The following TG variants were observed in gnomAD, a reference collection of about 807,000 sequenced individuals.
TG encodes thyroglobulin.
TG carries 270 observed loss-of-function variants against 324.7 expected under a neutral mutation model. The observed-to-expected ratio is 0.83, with a 90% CI of 0.75 to 0.92. The LOEUF is 0.92. Ranked by LOEUF, TG falls within the 40% of genes least tolerant of loss-of-function variation. The probability of loss-of-function intolerance (pLI) is 0.00; values close to 1 mark genes in which losing one functional copy is unlikely to be tolerated. For synonymous variants in TG, 1,401 were observed against 1,327.0 expected (o/e 1.06, Z -1.21); for missense variants, 3,591 against 3,456.4 (o/e 1.04, Z -0.98).
intron 4 of TG, among the ~76,000 whole-genome samples, chr8:132,871,899 A>G (rs1333042875): frequency 3.9e-5 from 6 of 152,214 alleles, no homozygotes; most frequent in Admixed American, 2.6e-4. Context: ...GACCACATAC[A>G]TGATGATGGT....
chr8:133,073,086 A>C (rs1844317714), intron 41 of TG: 3 of 152,252 alleles, frequency 2.0e-5, no homozygotes, highest in Non-Finnish European at 2.9e-5. Flanking sequence ...TCAAACATAC[A>C]GAGAAACTGG....
chr8:133,102,872 C>T (rs1391453382), intron 43 of TG: 3 of 328,338 alleles, frequency 9.1e-6, no homozygotes, highest in African/African-American at 4.3e-5. Context: ...GAGTTGGCCT[C>T]GTCTGGGAGC....
intron 35 of TG, chr8:133,002,977 CA>C (rs1833683955): frequency 9.8e-7 from 1 of 1,018,848 alleles, no homozygotes; most frequent in Non-Finnish European, 1.2e-6. Context: ...ACCTTTCTTA[CA>C]GATTCACATG....
At chr8:133,057,803 G>T (rs1234372480) in intron 41 of TG, among the ~76,000 whole-genome samples, 2 of 151,950 alleles carry the variant, frequency 1.3e-5, no homozygotes, top group African/African-American at 4.8e-5. Flanking sequence ...AAACAGATGG[G>T]TAAAGCCATG....
intron 18 of TG, among the ~76,000 whole-genome samples, chr8:132,909,896 C>T (rs559687025): frequency 6.6e-6 from 1 of 152,328 alleles, no homozygotes; most frequent in Non-Finnish European, 1.5e-5. Flanking sequence ...GGCCATTTCT[C>T]AGTCTCTCAG....
intron 18 of TG, 145 bp downstream of exon 18, chr8:132,908,485 T>G: frequency 3.5e-6 from 1 of 282,876 alleles, no homozygotes; most frequent in Non-Finnish European, 6.4e-6. Flanking sequence ...GTGAATTCTC[T>G]TGGCAGCCTT....
rs185804028 is a variant in TG, at chr8:133,067,257, C to T, written c.7240-27787C>T. ...GACCCACATAGTCCCCTGCTCTCCT[C>T]TAGGGCAGGTGCAGCCGCAGGCCTG... is the stretch of plus-strand genomic sequence containing the variant. On this transcript the variant is annotated intron_variant, in intron 41 of 47. Coordinates refer to ENST00000220616, the MANE Select transcript of TG (RefSeq NM_003235.5). Among the ~76,000 whole-genome samples the T allele has an allele frequency of 2.5e-3, 384 of 152,246 alleles. 3 individuals carry two copies. Among genetic ancestry groups the T allele is most frequent in the African/African-American group, 8.8e-3 (364 of 41,540 alleles).
intron 41 of TG, among the ~76,000 whole-genome samples, chr8:133,060,621 AG>A (rs1217331014): frequency 1.3e-5 from 2 of 152,206 alleles, no homozygotes; most frequent in African/African-American, 4.8e-5. Context: ...GTACAACCAA[AG>A]GCATGAGGAG....
At chr8:133,014,578 T>C (rs1834851308) in intron 37 of TG, among the ~76,000 whole-genome samples, 1 of 152,264 alleles carries the variant, frequency 6.6e-6, no homozygotes, top group African/African-American at 2.4e-5. Flanking sequence ...GCTGCTATTG[T>C]AGCATGGGAG....
chr8:132,987,107 A>G (rs943071369), intron 35 of TG, among the ~76,000 whole-genome samples: 2 of 152,174 alleles, frequency 1.3e-5, no homozygotes, highest in Admixed American at 6.6e-5. Context: ...TCACATATAC[A>G]CACAGCCTAT....
chr8:133,060,978 C>A (rs1587939979), intron 41 of TG, among the ~76,000 whole-genome samples: 1 of 152,214 alleles, frequency 6.6e-6, no homozygotes, highest in Non-Finnish European at 1.5e-5. Context: ...TGTGTACTTA[C>A]AAGCTAGATG....
chr8:132,944,531 G>C (rs912366246), intron 26 of TG, among the ~76,000 whole-genome samples: 1 of 152,232 alleles, frequency 6.6e-6, no homozygotes, highest in Non-Finnish European at 1.5e-5. Flanking sequence ...GCTCACTGTA[G>C]GTGCAGAGGA....
chr8:133,082,063 A>G lies in TG; in HGVS notation c.7240-12981A>G, dbSNP rs2739168. The stretch of plus-strand genomic sequence containing the variant: ...GCAAAGGGCACAGAGATCCTTGTGA[A>G]CTCTGTTTAAGGACACAGACAAAAG... On this transcript the variant is annotated intron_variant, in intron 41 of 47. Transcript: ENST00000220616. Among the ~76,000 whole-genome samples, 1,230 of 152,216 alleles carry G rather than the reference A, an allele frequency of 8.1e-3. 18 individuals carry two copies. Among genetic ancestry groups the G allele is most frequent in the South Asian group, 0.044 (210 of 4,818 alleles).
rs549890504 is a variant in TG, at chr8:133,096,424, C to T, written c.7572+51C>T. ...TCTCCAGCTGGGCATTTCCTAAGGG[C>T]TCTGGACCTCAATGTCTGACTTGAT... On this transcript the variant is annotated intron_variant, in intron 43 of 47. Transcript: ENST00000220616. The T allele has an allele frequency of 1.1e-5, 17 of 1,603,210 alleles. No individual in the cohort carries two copies. The South Asian group carries it at 1.4e-4, about 14-fold the overall frequency.
intron 41 of TG, among the ~76,000 whole-genome samples, chr8:133,057,315 TA>T (rs1841622961): frequency 6.6e-6 from 1 of 152,156 alleles, no homozygotes; most frequent in Non-Finnish European, 1.5e-5. Context: ...TAGGTTGTAT[TA>T]AAAAATCCTG....
rs575867795 is a variant in TG, at chr8:133,102,484, C to T, written c.7572+6111C>T. The T allele has an allele frequency of 6.6e-4, 948 of 1,428,442 alleles. 3 individuals carry two copies. Among genetic ancestry groups the T allele is most frequent in the Non-Finnish European group, 8.1e-4 (842 of 1,035,148 alleles). The allele number at this position is 1,428,442 out of a possible 1,614,324, so 88.5% of individuals were successfully genotyped here. On this transcript the variant is annotated intron_variant, in intron 43 of 47. Transcript: ENST00000220616. ...ATCAAGTCCCTCTGAAGACCCTCCC[C>T]CACATACCACCCCAGGCCACCTATG...
intron 22 of TG, among the ~76,000 whole-genome samples, chr8:132,925,157 A>G (rs1821660490): frequency 6.6e-6 from 1 of 152,224 alleles, no homozygotes; most frequent in African/African-American, 2.4e-5. Context: ...CCTAAAAGGT[A>G]GATATTATTG....
intron 35 of TG, among the ~76,000 whole-genome samples, chr8:132,993,574 T>C (rs1216603512): frequency 6.6e-6 from 1 of 152,208 alleles, no homozygotes; most frequent in East Asian, 1.9e-4. Context: ...ATGGGGTCCT[T>C]TCACAGGTAA....
In TG at chr8:133,029,882, G is replaced by C; in HGVS notation, c.7098G>C (p.Val2366=). ...LLDQVAALTW[V]QTHIRGFGGD... Reference sequence around the variant, plus strand: ...ACCAGGTGGCGGCTCTGACCTGGGTGCAGACCCACATCCGAGGATTTGGCG... The same window carrying C: ...ACCAGGTGGCGGCTCTGACCTGGGTCCAGACCCACATCCGAGGATTTGGCG... Residue 2366 remains valine, a synonymous_variant, in exon 41 of 48, where the codon GTG becomes GTC. Transcript: ENST00000220616. 1 of 1,614,260 alleles carries C rather than the reference G, an allele frequency of 6.2e-7. No homozygotes were observed. Among genetic ancestry groups the C allele is most frequent in the Non-Finnish European group, 8.5e-7 (1 of 1,180,046 alleles).
Sources: gnomAD v4.1 joint callset for allele counts (sites outside exome capture counted in the v4.1 genomes callset) on GRCh38, gnomAD v4.1.1 for gene constraint, MANE v1.5 for transcripts, NCBI Gene and HGNC (gene_info 2026-07-23, HGNC 2026-07-21) for gene names.